The following NUP107 variants were observed in gnomAD, a reference collection of about 807,000 sequenced individuals.
NUP107 encodes the protein nuclear pore complex protein Nup107.
In NUP107, 101 loss-of-function variants were observed where a neutral mutation model predicts 141.0. The observed-to-expected ratio is 0.72, with a 90% confidence interval of 0.61 to 0.84. NUP107 has a LOEUF of 0.84. Ranked by LOEUF, NUP107 falls within the 40% of genes least tolerant of loss-of-function variation. The pLI, the probability that NUP107 is intolerant of heterozygous loss-of-function variation, is 0.00. For synonymous variants in NUP107, 319 were observed against 363.9 expected (o/e 0.88, Z 1.41); for missense variants, 941 against 1,102.7 (o/e 0.85, Z 2.08).
At chr12:68,704,556 C>T (rs181598274) in intron 8 of NUP107, among the ~76,000 whole-genome samples, 18 of 151,618 alleles carry the variant, frequency 1.2e-4, no homozygotes, top group East Asian at 5.9e-4. Flanking sequence ...CGGGTTCAAG[C>T]GATTCTCATG....
At chr12:68,696,713 CA>C (rs1192117887) in intron 5 of NUP107, 105 bp from the exon 6 acceptor site, 1 of 665,488 alleles carries the variant, frequency 1.5e-6, no homozygotes, top group Non-Finnish European at 2.4e-6. Context: ...AACTCCATCT[CA>C]AAAAATAAAT....
chr12:68,698,538 ACCAAGATATC>A (rs1876178171), intron 6 of NUP107, among the ~76,000 whole-genome samples: 2 of 152,270 alleles, frequency 1.3e-5, no homozygotes, highest in Non-Finnish European at 2.9e-5. Context: ...CTTGAAAGCA[ACCAAGATATC>A]CTTCAGTGGG....
chr12:68,690,799 A>G (rs1875747349), intron 4 of NUP107, 53 bp downstream of exon 4: 2 of 1,574,326 alleles, frequency 1.3e-6, no homozygotes, highest in African/African-American at 2.7e-5. Flanking sequence ...GTGGTGGCTC[A>G]CATCTGTAAT....
chr12:68,709,167 C>T, intron 8 of NUP107, 71 bp from the exon 9 acceptor site: 1 of 1,037,750 alleles, frequency 9.6e-7, no homozygotes, highest in Non-Finnish European at 1.4e-6. Flanking sequence ...TTTTATCTTT[C>T]TATTAAAATA....
chr12:68,717,933 T>G (rs887509206), intron 12 of NUP107, among the ~76,000 whole-genome samples: 18 of 152,222 alleles, frequency 1.2e-4, no homozygotes, highest in African/African-American at 3.9e-4. Context: ...ACTAGTTGTA[T>G]CAATCAGGCT....
rs1877573951 is a variant in NUP107 at position 68,726,568 on chromosome 12, T to C, written c.1646T>C (p.Phe549Ser). The change falls in exon 19 of 28, where the codon TTT becomes TCT. Residue 549 changes from phenylalanine (F) to serine (S), a missense_variant. Transcript: ENST00000229179. ...AATCTACCTGGACACCTGCTTCGCT[T>C]TATGACTCACCTTATTTTGTTTTTC... is the stretch of plus-strand genomic sequence containing the variant. ...RNNLPGHLLR[F>S]MTHLILFFRT... 1 of 1,613,946 alleles carries C rather than the reference T, an allele frequency of 6.2e-7. No individual in the cohort carries two copies. Among genetic ancestry groups the C allele is most frequent in the Admixed American group, 1.7e-5 (1 of 60,000 alleles).
At chr12:68,742,266 T>A in intron 27 of NUP107, 89 bp from the exon 28 acceptor site, 1 of 801,052 alleles carries the variant, frequency 1.2e-6, no homozygotes. Flanking sequence ...TTTCTTCTTA[T>A]ATGAAGCTAA....
intron 17 of NUP107, 58 bp downstream of exon 17, chr12:68,722,210 G>T: frequency 7.2e-7 from 1 of 1,380,046 alleles, no homozygotes; most frequent in Non-Finnish European, 1.0e-6. Context: ...TTATTCTATT[G>T]TGCACTGTAG....
At chr12:68,734,921 C>G in intron 25 of NUP107, 88 bp downstream of exon 25, 1 of 1,403,178 alleles carries the variant, frequency 7.1e-7, no homozygotes, top group Non-Finnish European at 9.7e-7. Flanking sequence ...CAGCAACTAT[C>G]TTTCGATCAT....
At chr12:68,716,554 G>T (rs541659486) in intron 12 of NUP107, among the ~76,000 whole-genome samples, 1 of 152,098 alleles carries the variant, frequency 6.6e-6, no homozygotes, top group African/African-American at 2.4e-5. Flanking sequence ...TTCTAATTCT[G>T]ATTTTTCAGA....
intron 3 of NUP107, 50 bp from the exon 4 acceptor site, chr12:68,690,581 A>G: frequency 1.9e-6 from 3 of 1,611,294 alleles, no homozygotes; most frequent in Non-Finnish European, 2.5e-6. Flanking sequence ...TTGTTTTGAT[A>G]ATGAATGCTC....
At chr12:68,720,196 A>T (rs1163929826) in intron 14 of NUP107, among the ~76,000 whole-genome samples, 1 of 152,214 alleles carries the variant, frequency 6.6e-6, no homozygotes, top group East Asian at 1.9e-4. Flanking sequence ...CAAAAACTTC[A>T]TTAGTGATAC....
intron 1 of NUP107, among the ~76,000 whole-genome samples, chr12:68,688,198 G>C (rs1224789754): frequency 6.8e-6 from 1 of 147,510 alleles, no homozygotes; most frequent in Admixed American, 6.8e-5. Context: ...TTTTTTTTTT[G>C]TTTTTAATTT....
chr12:68,712,619 T>G (rs1017742829), intron 10 of NUP107, among the ~76,000 whole-genome samples: 5 of 142,732 alleles, frequency 3.5e-5, no homozygotes, highest in African/African-American at 7.9e-5. Flanking sequence ...AGAAAATAAG[T>G]TTTTTTTTTT....
At chr12:68,701,810 T>C (rs967229867) in intron 7 of NUP107, among the ~76,000 whole-genome samples, 18 of 152,144 alleles carry the variant, frequency 1.2e-4, no homozygotes, top group African/African-American at 4.3e-4. Context: ...ATGTCCCCTC[T>C]GCCATTTGTT....
chr12:68,733,743 C>T, intron 24 of NUP107, 131 bp downstream of exon 24: 1 of 806,322 alleles, frequency 1.2e-6, no homozygotes, highest in Non-Finnish European at 1.9e-6. Flanking sequence ...AGTGCTGACT[C>T]ATCCACAAGG....
chr12:68,688,962 G>A lies in NUP107; in HGVS notation c.9G>A (p.Arg3=). Residue 3 remains arginine, a splice_region_variant and synonymous_variant, in exon 2 of 28, where the codon AGG becomes AGA. Transcript: ENST00000229179. ...TATAAGCTTGATTATACTACTTTAGGAGTGGCTTTGGAGAGATATCATCCC... is the reference window on the plus strand; with the variant it reads ...TATAAGCTTGATTATACTACTTTAGAAGTGGCTTTGGAGAGATATCATCCC... The part of the protein sequence containing the change: MD[R]SGFGEISSPV... The A allele has an allele frequency of 1.2e-6, 2 of 1,608,038 alleles. No homozygotes were observed. Among genetic ancestry groups the A allele is most frequent in the Non-Finnish European group, 1.7e-6 (2 of 1,175,598 alleles).
intron 23 of NUP107, 152 bp from the exon 24 acceptor site, chr12:68,733,300 G>C: frequency 1.8e-6 from 1 of 554,954 alleles, no homozygotes; most frequent in East Asian, 3.1e-5. Flanking sequence ...CAGTCTATCA[G>C]GTAGAAAGAT....
At position 68,722,172 on chromosome 12, in the gene NUP107, T is replaced by G. The variant is rs368165935; in HGVS notation, c.1506+20T>G. ...AAAAAGGTAAATGTTAATAGGAATA[T>G]GTTAGGTATCTGGAATAGGAAACAG... On this transcript the variant is annotated intron_variant, in intron 17 of 27. Transcript: ENST00000229179. 66 of 1,604,432 alleles carry G rather than the reference T, an allele frequency of 4.1e-5. No individual in the cohort carries two copies. The highest frequency in any genetic ancestry group is 5.4e-5 in the African/African-American group (4 of 74,640).
Sources: allele counts gnomAD v4.1 joint callset (sites outside exome capture counted in the v4.1 genomes callset), GRCh38; gene constraint gnomAD v4.1.1; transcripts MANE v1.5; gene names NCBI Gene and HGNC (gene_info 2026-07-23, HGNC 2026-07-21).